The following SRPK2 variants were observed in gnomAD, a reference collection of about 807,000 sequenced individuals.
SRPK2 encodes the protein SFRS protein kinase 2.
SRPK2 carries 21 observed loss-of-function variants against 90.8 expected under a neutral mutation model. The observed-to-expected ratio is 0.23, with a 90% confidence interval of 0.16 to 0.33. SRPK2 has a LOEUF of 0.33. Ranked by LOEUF, SRPK2 falls within the 10% of genes least tolerant of loss-of-function variation. The pLI, the probability that SRPK2 is intolerant of heterozygous loss-of-function variation, is 1.00. For missense variants in SRPK2, 620 were observed against 869.0 expected, an observed-to-expected ratio of 0.71 and a Z score of 3.60; for synonymous variants, 288 against 311.1, an observed-to-expected ratio of 0.93 and a Z score of 0.78.
At chr7:105,320,620 G>A (rs948511636) in intron 2 of SRPK2, among the ~76,000 whole-genome samples, 1 of 152,124 alleles carries the variant, frequency 6.6e-6, no homozygotes, top group African/African-American at 2.4e-5. Flanking sequence ...CAAAGTTATA[G>A]TTATAAAGCT....
intron 2 of SRPK2, among the ~76,000 whole-genome samples, chr7:105,228,408 G>C (rs1181178994): frequency 6.6e-6 from 1 of 152,198 alleles, no homozygotes; most frequent in African/African-American, 2.4e-5. Flanking sequence ...AAGAGAAATT[G>C]CTGAAATTCC....
chr7:105,143,371 A>T, intron 9 of SRPK2, 41 bp from the exon 10 acceptor site: 1 of 1,590,804 alleles, frequency 6.3e-7, no homozygotes, highest in Non-Finnish European at 8.5e-7. Context: ...TCTTCTTTTT[A>T]AAGCACCACG....
intron 2 of SRPK2, among the ~76,000 whole-genome samples, chr7:105,259,357 A>C (rs111246564): frequency 0.011 from 1,628 of 152,334 alleles, 22 homozygotes; most frequent in African/African-American, 0.036. Flanking sequence ...AGGAGACTAC[A>C]AATCACTGCT....
chr7:105,174,937 AATT>A (rs1426900716), intron 3 of SRPK2, among the ~76,000 whole-genome samples: 2 of 152,288 alleles, frequency 1.3e-5, no homozygotes, highest in African/African-American at 4.8e-5. Context: ...TGAAGTCAGG[AATT>A]CAAGACCAGC....
At chr7:105,115,112 A>G (rs773542826), downstream of SRPK2, among the ~76,000 whole-genome samples, 18 of 152,224 alleles carry the variant, frequency 1.2e-4, no homozygotes, top group Non-Finnish European at 2.2e-4. Flanking sequence ...TGAACTGCAG[A>G]ATCTTATACA....
intron 2 of SRPK2, among the ~76,000 whole-genome samples, chr7:105,205,684 G>C (rs940632247): frequency 6.6e-6 from 1 of 152,042 alleles, no homozygotes; most frequent in African/African-American, 2.4e-5. Flanking sequence ...ACTGAAAGTG[G>C]AATGGTCCCA....
intron 3 of SRPK2, among the ~76,000 whole-genome samples, chr7:105,199,586 A>G (rs1325600703): frequency 1.3e-5 from 2 of 152,198 alleles, no homozygotes; most frequent in Non-Finnish European, 1.5e-5. Flanking sequence ...GATTCATACC[A>G]TACAGGGAAA....
chr7:105,384,753 T>C (rs1292134405), intron 2 of SRPK2, among the ~76,000 whole-genome samples: 1 of 152,108 alleles, frequency 6.6e-6, no homozygotes, highest in Non-Finnish European at 1.5e-5. Context: ...CTCCTGGAGA[T>C]TCTTTTACCA....
chr7:105,222,963 CTTTT>C (rs962270070), intron 2 of SRPK2, among the ~76,000 whole-genome samples: 68 of 152,276 alleles, frequency 4.5e-4, no homozygotes, highest in African/African-American at 1.6e-3. Context: ...CAAATACATT[CTTTT>C]AAGTTTTAAT....
chr7:105,255,498 G>A (rs1270662247), intron 2 of SRPK2, among the ~76,000 whole-genome samples: 3 of 152,164 alleles, frequency 2.0e-5, no homozygotes, highest in Non-Finnish European at 4.4e-5. Flanking sequence ...AAAGGGAAAG[G>A]CGGGGAATAA....
At chr7:105,283,411 T>C (rs146905107) in intron 2 of SRPK2, among the ~76,000 whole-genome samples, 9 of 152,170 alleles carry the variant, frequency 5.9e-5, no homozygotes, top group African/African-American at 1.9e-4. Flanking sequence ...AATTGAGGAA[T>C]GTTAAATAAA....
intron 3 of SRPK2, among the ~76,000 whole-genome samples, chr7:105,201,840 C>G (rs755381890): frequency 6.6e-6 from 1 of 151,874 alleles, no homozygotes; most frequent in Non-Finnish European, 1.5e-5. Context: ...GCTGTGATCA[C>G]GCCATTGCAC....
chr7:105,138,517 G>A (rs1803226023), intron 11 of SRPK2, among the ~76,000 whole-genome samples: 1 of 152,236 alleles, frequency 6.6e-6, no homozygotes, highest in Non-Finnish European at 1.5e-5. Context: ...GATGATATTA[G>A]GCCAGGTGTG....
chr7:105,134,670 G>C lies in SRPK2; in HGVS notation c.1544-1566C>G, dbSNP rs372330446. Among the ~76,000 whole-genome samples the C allele has an allele frequency of 1.1e-4, 16 of 152,346 alleles. No individual in the cohort carries two copies. The East Asian group carries it at 2.5e-3, about 24-fold the overall frequency. On this transcript the variant is annotated intron_variant, in intron 11 of 15. Coordinates refer to ENST00000393651, the MANE Select transcript of SRPK2 (RefSeq NM_182692.3). ...TCTGATTCTTCAGCAAGCCCCATAA[G>C]AGGAAGGAGGGCCAGCCTTGCAACT...
At chr7:105,181,695 C>A (rs1162582870) in intron 3 of SRPK2, among the ~76,000 whole-genome samples, 1 of 151,908 alleles carries the variant, frequency 6.6e-6, no homozygotes, top group Non-Finnish European at 1.5e-5. Flanking sequence ...AAGAGGGGAA[C>A]AACAGACACT....
chr7:105,257,922 A>T lies in SRPK2; in HGVS notation c.72-54137T>A, dbSNP rs145376186. 3.0e-4 allele frequency among the ~76,000 whole-genome samples: 46 copies of T among 151,726 alleles called. No homozygotes were observed. In the East Asian group the frequency reaches 9.0e-3, roughly 30 times the overall value. On this transcript the variant is annotated intron_variant, in intron 2 of 15. Coordinates refer to ENST00000393651, the MANE Select transcript of SRPK2 (RefSeq NM_182692.3). ...GTCAGGAGACTGAGACCACCCTAACACAGTGAAACCCCGTCTCTACTAAAA... is the reference window on the plus strand; with the variant it reads ...GTCAGGAGACTGAGACCACCCTAACTCAGTGAAACCCCGTCTCTACTAAAA...
At chr7:105,281,543 C>T (rs538681285) in intron 2 of SRPK2, among the ~76,000 whole-genome samples, 4 of 152,066 alleles carry the variant, frequency 2.6e-5, no homozygotes. Context: ...GTCCTAGCTA[C>T]GTGGAGACTG....
intron 2 of SRPK2, among the ~76,000 whole-genome samples, chr7:105,319,235 C>T (rs779360336): frequency 7.2e-5 from 11 of 152,108 alleles, no homozygotes; most frequent in Non-Finnish European, 1.5e-4. Context: ...AGTTTTTCAT[C>T]ACTGCAAACG....
chr7:105,384,509 AC>A (rs1205361615), intron 2 of SRPK2, among the ~76,000 whole-genome samples: 5 of 152,358 alleles, frequency 3.3e-5, no homozygotes, highest in African/African-American at 1.2e-4. Flanking sequence ...GTAGATAATG[AC>A]AAAAGTAAAT....
Sources: gnomAD v4.1 joint callset for allele counts (sites outside exome capture counted in the v4.1 genomes callset) on GRCh38, gnomAD v4.1.1 for gene constraint, MANE v1.5 for transcripts, NCBI Gene and HGNC (gene_info 2026-07-23, HGNC 2026-07-21) for gene names.